ANLN: variants seen among roughly 807,000 people sequenced by gnomAD.
ANLN encodes anillin, actin binding protein, also known as anillin.
ANLN carries 59 observed loss-of-function variants against 135.1 expected under a neutral mutation model. That is an observed-to-expected ratio of 0.44 (90% CI 0.35 to 0.54). The LOEUF (loss-of-function observed/expected upper bound fraction) is 0.54. Among genes scored for constraint, ANLN ranks in the 20% least tolerant of loss-of-function variants. The probability of loss-of-function intolerance (pLI) is 0.00; values close to 1 mark genes in which losing one functional copy is unlikely to be tolerated. For synonymous variants in ANLN, 406 were observed against 456.4 expected (o/e 0.89, Z 1.41); for missense variants, 1,182 against 1,340.0 (o/e 0.88, Z 1.84).
intron 22 of ANLN, among the ~76,000 whole-genome samples, chr7:36,445,161 C>CTTTTTTTTTTTTTTTTTT (rs70977145): frequency 3.5e-5 from 2 of 57,822 alleles, no homozygotes; most frequent in Non-Finnish European, 3.2e-5. Context: ...ATTTGGGATT[C>CTTTTTTTTTTTTTTTTTT]TTTTTTTTTT....
At chr7:36,401,470 C>A (rs1425774136) in intron 3 of ANLN, among the ~76,000 whole-genome samples, 1 of 152,248 alleles carries the variant, frequency 6.6e-6, no homozygotes, top group African/African-American at 2.4e-5. Context: ...TCCCGAGTGG[C>A]TGGGATTACA....
chr7:36,391,987 A>G (rs184839958), intron 1 of ANLN, among the ~76,000 whole-genome samples: 9 of 151,686 alleles, frequency 5.9e-5, no homozygotes, highest in African/African-American at 1.9e-4. Context: ...CGCCCAGGTG[A>G]CAAAACCATA....
intron 20 of ANLN, among the ~76,000 whole-genome samples, chr7:36,438,411 G>T (rs76883639): frequency 6.6e-6 from 1 of 152,038 alleles, no homozygotes; most frequent in African/African-American, 2.4e-5. Flanking sequence ...TTGGTCTTTT[G>T]CCCAGGCCAG....
In ANLN at chr7:36,407,673, G is replaced by A. The variant is rs752679961; in HGVS notation, c.874-61G>A. The stretch of plus-strand genomic sequence containing the variant: ...AAGTAAATAGGACTTGAATTGTTTT[G>A]TTATAGGACTATTTTTAGATATTGT... On this transcript the variant is annotated intron_variant, in intron 4 of 23. Coordinates refer to ENST00000265748, the MANE Select transcript of ANLN (RefSeq NM_018685.5). 1.3e-5 allele frequency: 16 copies of A among 1,263,516 alleles called. No homozygotes were observed. In the South Asian group the frequency reaches 1.7e-4, roughly 14 times the overall value. The allele number at this position is 1,263,516 out of a possible 1,614,324, so 78.3% of individuals were successfully genotyped here.
intron 21 of ANLN, among the ~76,000 whole-genome samples, chr7:36,440,475 T>G (rs562201126): frequency 2.0e-5 from 3 of 152,182 alleles, no homozygotes. Context: ...GCACAGGAGC[T>G]TGGAAACTCT....
intron 1 of ANLN, chr7:36,390,353 A>G (rs1786385364): frequency 2.3e-6 from 1 of 433,792 alleles, no homozygotes; most frequent in African/African-American, 2.0e-5. Flanking sequence ...TGGCGCAGCA[A>G]GAGTGAGGCG....
In ANLN at chr7:36,411,101, A is replaced by C. The variant is rs765497031; in HGVS notation, c.1330A>C (p.Lys444Gln). Residue 444 changes from lysine to glutamine, a missense_variant, in exon 7 of 24, where the codon AAG becomes CAG. By Grantham distance (53) the Lys-to-Gln change is moderately conservative (BLOSUM62 1). Coordinates refer to ENST00000265748, the MANE Select transcript of ANLN (RefSeq NM_018685.5). Reference protein sequence around the residue: ...ELACLRGRFDKGNIWSAEKGG... With the variant: ...ELACLRGRFDQGNIWSAEKGG... ...AGCATGTCTTCGTGGCCGATTTGAC[A>C]AGGGCAATATATGGAGTGCAGAAAA... The C allele has an allele frequency of 1.9e-6, 3 of 1,611,788 alleles. No homozygotes were observed. The highest frequency in any genetic ancestry group is 2.5e-6 in the Non-Finnish European group (3 of 1,179,572).
At chr7:36,411,705 T>C (rs1787419062) in intron 7 of ANLN, among the ~76,000 whole-genome samples, 1 of 152,272 alleles carries the variant, frequency 6.6e-6, no homozygotes, top group South Asian at 2.1e-4. Context: ...AATAGAATTA[T>C]ATTTACAGTG....
intron 5 of ANLN, among the ~76,000 whole-genome samples, chr7:36,408,768 A>T (rs1016895717): frequency 6.6e-6 from 1 of 152,188 alleles, no homozygotes; most frequent in Admixed American, 6.5e-5. Context: ...GAGCATTTAC[A>T]TATAAAACAA....
In ANLN at chr7:36,422,241, GATGA is replaced by G. The variant is rs374625650; in HGVS notation, c.2299+260_2299+263del. Among the ~76,000 whole-genome samples, 133 of 151,868 alleles carry G rather than the reference GATGA, an allele frequency of 8.8e-4. No individual in the cohort carries two copies. In the East Asian group the frequency reaches 0.01, roughly 11 times the overall value. On this transcript the variant is annotated intron_variant, in intron 13 of 23. Coordinates refer to ENST00000265748, the MANE Select transcript of ANLN (RefSeq NM_018685.5). Reference sequence around the variant, plus strand: ...GTTGTGCAGATTGAATGAATGAATGGATGAATGAATGAATCTCTATATATACACA... The same window carrying G: ...GTTGTGCAGATTGAATGAATGAATGGATGAATGAATCTCTATATATACACA...
Position 36,417,107 on chromosome 7 carries a change from C to T in ANLN, c.1550C>T (p.Ser517Phe). The T allele has an allele frequency of 6.2e-7, 1 of 1,608,572 alleles. No homozygotes were observed. The highest frequency in any genetic ancestry group is 8.5e-7 in the Non-Finnish European group (1 of 1,177,496). Residue 517 changes from serine to phenylalanine, a missense_variant, in exon 9 of 24, where the codon TCT becomes TTT. This residue lies in a region of ANLN where 1,022 missense variants were observed against 1,134.0 expected (regional missense o/e 0.90). Coordinates refer to ENST00000265748, the MANE Select transcript of ANLN (RefSeq NM_018685.5). ...KGFTECEMTK[S>F]SPLKITLFLE... ...TTCACTGAATGCGAAATGACGAAAT[C>T]TAGCCCTTTGAAAATAACATTGTTT...
chr7:36,419,148 C>A, intron 9 of ANLN, 96 bp from the exon 10 acceptor site: 2 of 777,764 alleles, frequency 2.6e-6, no homozygotes, highest in Non-Finnish European at 1.9e-6. Context: ...GCATTTTTTC[C>A]TATTTAGTAA....
intron 20 of ANLN, among the ~76,000 whole-genome samples, chr7:36,430,515 T>C (rs1788271904): frequency 6.6e-6 from 1 of 152,194 alleles, no homozygotes; most frequent in African/African-American, 2.4e-5. Context: ...TATACTATTA[T>C]AGATAAAGGG....
intron 21 of ANLN, among the ~76,000 whole-genome samples, chr7:36,442,351 CAG>C (rs1246462886): frequency 1.6e-4 from 25 of 152,324 alleles, no homozygotes; most frequent in Middle Eastern, 3.4e-3. Context: ...TCATCTGTAT[CAG>C]AGGGCAGCAC....
At chr7:36,425,985 T>C (rs764333883) in intron 18 of ANLN, 30 bp from the exon 19 acceptor site, 1 of 1,486,668 alleles carries the variant, frequency 6.7e-7, no homozygotes, top group Non-Finnish European at 9.1e-7. Flanking sequence ...AACTTATGTT[T>C]CTTCTTCACA....
chr7:36,424,436 CAT>C, intron 15 of ANLN, 107 bp from the exon 16 acceptor site: 1 of 845,132 alleles, frequency 1.2e-6, no homozygotes, highest in South Asian at 2.5e-5. Flanking sequence ...ACTTTAAAGT[CAT>C]AGTGGATTCC....
chr7:36,434,802 G>T (rs1248204273), intron 20 of ANLN, among the ~76,000 whole-genome samples: 1 of 152,138 alleles, frequency 6.6e-6, no homozygotes, highest in African/African-American at 2.4e-5. Context: ...GGAGGCGGAG[G>T]TTGCAGTGAG....
chr7:36,409,362 T>G (rs1787317807), intron 5 of ANLN, among the ~76,000 whole-genome samples: 1 of 152,180 alleles, frequency 6.6e-6, no homozygotes, highest in Non-Finnish European at 1.5e-5. Flanking sequence ...TTGCTTGTTT[T>G]TGCAAATAAA....
chr7:36,444,193 G>C (rs1338445216), intron 22 of ANLN, among the ~76,000 whole-genome samples: 1 of 152,026 alleles, frequency 6.6e-6, no homozygotes, highest in African/African-American at 2.4e-5. Flanking sequence ...AGGAGGCTGA[G>C]GCAGGAGAAT....
Sources: allele counts gnomAD v4.1 joint callset (sites outside exome capture counted in the v4.1 genomes callset), GRCh38; gene constraint gnomAD v4.1.1; regional missense constraint gnomAD v4.1.1; transcripts MANE v1.5; gene names NCBI Gene and HGNC (gene_info 2026-07-23, HGNC 2026-07-21).